WAPL: variants seen among roughly 807,000 people sequenced by gnomAD.
WAPL encodes the protein wings apart-like protein homolog.
In WAPL, 5 loss-of-function variants were observed where a neutral mutation model predicts 121.0. The ratio of observed to expected loss-of-function variants is 0.04; its 90% CI spans 0.02 to 0.09. WAPL has a LOEUF of 0.09. Among genes scored for constraint, WAPL ranks in the 10% least tolerant of loss-of-function variants. The pLI is 1.00. For missense variants in WAPL, 999 were observed against 1,410.8 expected, an observed-to-expected ratio of 0.71 and a Z score of 4.68; for synonymous variants, 480 against 481.5, an observed-to-expected ratio of 1.00 and a Z score of 0.04.
At chr10:86,503,651 G>A (rs1467424309) in intron 2 of WAPL, among the ~76,000 whole-genome samples, 1 of 151,974 alleles carries the variant, frequency 6.6e-6, no homozygotes, top group Admixed American at 6.6e-5. Context: ...TACCCGGGAG[G>A]CTGAGGCAGG....
At position 86,452,025 on chromosome 10, in the gene WAPL, T is replaced by C. The variant is rs1564564270; in HGVS notation, c.3056A>G (p.Glu1019Gly). The change falls in exon 15 of 19, where the codon GAA (glutamate) becomes GGA (glycine). Residue 1019 changes from glutamate (E) to glycine (G), a missense_variant. By Grantham distance (98) the Glu-to-Gly change is moderately conservative. This residue lies in a region of WAPL where 126 missense variants were observed against 144.0 expected (regional missense o/e 0.87). Coordinates refer to ENST00000298767, the MANE Select transcript of WAPL (RefSeq NM_015045.5). ...ACCTATCCTTAAACTATCATCCCCT[T>C]CTCCACTACAGATGGAAGAATCAAA... ...CSFDSSICSGEGDDSLRIGGQ... is the reference protein window; with the variant it reads ...CSFDSSICSGGGDDSLRIGGQ... 1.2e-6 allele frequency: 2 copies of C among 1,614,060 alleles called. No individual in the cohort carries two copies. Among genetic ancestry groups the C allele is most frequent in the East Asian group, 4.5e-5 (2 of 44,862 alleles).
Position 86,470,986 on chromosome 10 carries a change from A to G in WAPL, c.2142+6T>C. The G allele has an allele frequency of 6.2e-7, 1 of 1,612,194 alleles. No homozygotes were observed. The highest frequency in any genetic ancestry group is 1.1e-5 in the South Asian group (1 of 90,732). On this transcript the variant is annotated splice_donor_region_variant and intron_variant, in intron 8 of 18. Transcript: ENST00000298767. Reference sequence around the variant, plus strand: ...GGCTTCTCAATCTCAGAAACTTAAAAAATACCTGATGGTGCTGGGAATCAT... The same window carrying G: ...GGCTTCTCAATCTCAGAAACTTAAAGAATACCTGATGGTGCTGGGAATCAT...
At chr10:86,465,560 A>G (rs965008192) in intron 9 of WAPL, among the ~76,000 whole-genome samples, 1 of 152,190 alleles carries the variant, frequency 6.6e-6, no homozygotes, top group African/African-American at 2.4e-5. Flanking sequence ...CAGTTTACCC[A>G]TTGATCCTAG....
At chr10:86,518,485 C>T (rs534338611) in intron 1 of WAPL, among the ~76,000 whole-genome samples, 31 of 152,310 alleles carry the variant, frequency 2.0e-4, no homozygotes, top group African/African-American at 7.0e-4. Flanking sequence ...AGGCAGGCAG[C>T]TCACTTGAGG....
rs943180346 is a variant in WAPL, at chr10:86,499,593, C to T, written c.1525+125G>A. On this transcript the variant is annotated intron_variant, in intron 3 of 18. Coordinates refer to ENST00000298767, the MANE Select transcript of WAPL (RefSeq NM_015045.5). ...AATGTTATGTGAATGGGATCTTTAT[C>T]TTATTATACTGTACTCACCTCTTTT... 13 of 901,378 alleles carry T rather than the reference C, an allele frequency of 1.4e-5. No individual in the cohort carries two copies. The African/African-American group carries it at 2.2e-4, about 15-fold the overall frequency. 55.8% of individuals were successfully genotyped at this position (901,378 alleles called of 1,614,324 possible).
At chr10:86,474,109 A>G (rs1207270416) in intron 4 of WAPL, 136 bp from the exon 5 acceptor site, 1 of 671,056 alleles carries the variant, frequency 1.5e-6, no homozygotes, top group Non-Finnish European at 2.6e-6. Context: ...CAGTCCCACC[A>G]TAATTCCCAT....
intron 17 of WAPL, among the ~76,000 whole-genome samples, chr10:86,441,469 T>A (rs1849469291): frequency 6.6e-6 from 1 of 151,112 alleles, no homozygotes. Flanking sequence ...CTGGCCAAGA[T>A]GAGAAGTCTA....
intron 14 of WAPL, 49 bp downstream of exon 14, chr10:86,453,171 C>T (rs1841039996): frequency 1.3e-6 from 2 of 1,542,580 alleles, no homozygotes; most frequent in Non-Finnish European, 8.9e-7. Context: ...ACATTTTGCA[C>T]ACCTTATTAG....
intron 2 of WAPL, among the ~76,000 whole-genome samples, chr10:86,510,366 C>A (rs2132230191): frequency 6.6e-6 from 1 of 152,250 alleles, no homozygotes. Context: ...GCCACCGCAC[C>A]CGGCTGTCTG....
At chr10:86,496,486 A>G (rs1434451838) in intron 4 of WAPL, among the ~76,000 whole-genome samples, 1 of 152,188 alleles carries the variant, frequency 6.6e-6, no homozygotes, top group Non-Finnish European at 1.5e-5. Flanking sequence ...ATGTATCTGT[A>G]TGCCAACCTT....
intron 2 of WAPL, among the ~76,000 whole-genome samples, chr10:86,514,623 T>C (rs1294065115): frequency 6.6e-6 from 1 of 152,210 alleles, no homozygotes; most frequent in Non-Finnish European, 1.5e-5. Context: ...GCATTAGAAC[T>C]ACATTTTAGC....
intron 1 of WAPL, among the ~76,000 whole-genome samples, chr10:86,519,480 AT>A (rs1259289249): frequency 6.6e-6 from 1 of 151,998 alleles, no homozygotes; most frequent in Non-Finnish European, 1.5e-5. Flanking sequence ...TGAGTTTTAT[AT>A]AAATTCAGTA....
Position 86,446,281 on chromosome 10 carries a change from T to C in WAPL, c.3283A>G (p.Lys1095Glu), listed in dbSNP as rs1849616432. 1 of 1,614,156 alleles carries C rather than the reference T, an allele frequency of 6.2e-7. No homozygotes were observed. The highest frequency in any genetic ancestry group is 8.5e-7 in the Non-Finnish European group (1 of 1,180,010). The change falls in exon 16 of 19, where the codon AAG (lysine) becomes GAG (glutamate). Residue 1095 changes from lysine to glutamate, a missense_variant. Lys to Glu is a moderately conservative substitution (Grantham distance 56, BLOSUM62 1). This residue lies in a region of WAPL where 126 missense variants were observed against 144.0 expected (regional missense o/e 0.87). Coordinates refer to ENST00000298767, the MANE Select transcript of WAPL (RefSeq NM_015045.5). ...AGTTCTTCATCCTCCTCCTCCTTCTTATGTTTCTCTTCTGTACCATCAGTC... is the reference window on the plus strand; with the variant it reads ...AGTTCTTCATCCTCCTCCTCCTTCTCATGTTTCTCTTCTGTACCATCAGTC... ...EKTDGTEEKH[K>E]KEEEDEELDL... is the part of the protein sequence containing the mutation.
At chr10:86,454,525 G>C (rs2132175265) in intron 12 of WAPL, among the ~76,000 whole-genome samples, 1 of 152,350 alleles carries the variant, frequency 6.6e-6, no homozygotes, top group African/African-American at 2.4e-5. Flanking sequence ...CTGCAGGCGG[G>C]CGCCGCCACA....
At chr10:86,494,554 G>C (rs745484047) in intron 4 of WAPL, among the ~76,000 whole-genome samples, 6 of 152,198 alleles carry the variant, frequency 3.9e-5, no homozygotes, top group Non-Finnish European at 8.8e-5. Flanking sequence ...CTGTGAACTT[G>C]ATAGGTTCCC....
chr10:86,520,474 G>A (rs778645528), intron 1 of WAPL, among the ~76,000 whole-genome samples: 4 of 152,124 alleles, frequency 2.6e-5, no homozygotes, highest in African/African-American at 7.2e-5. Context: ...TGGGTACAGA[G>A]AAGTTCATTA....
At chr10:86,470,066 T>C in intron 8 of WAPL, among the ~76,000 whole-genome samples, 1 of 151,262 alleles carries the variant, frequency 6.6e-6, no homozygotes, top group Non-Finnish European at 1.5e-5. Context: ...AGAGTCTCGC[T>C]CTGTCTCCCA....
intron 14 of WAPL, 49 bp from the exon 15 acceptor site, chr10:86,452,180 C>T: frequency 6.6e-7 from 1 of 1,523,732 alleles, no homozygotes; most frequent in Non-Finnish European, 8.9e-7. Context: ...GTACTTAAAA[C>T]AAATGAACAC....
rs972150619 is a variant in WAPL at position 86,472,819 on chromosome 10, C to T, written c.1741-55G>A. On this transcript the variant is annotated intron_variant, in intron 5 of 18. Coordinates refer to ENST00000298767, the MANE Select transcript of WAPL (RefSeq NM_015045.5). This position sits in a 1 kb window ranked among gnomAD's most constrained non-coding sequence, Gnocchi z 4.2. ...CTAAATAAATATATAAAAATAGGAA[C>T]GTCTCATCTATCTGGCAAATTCAGC... 4.9e-5 allele frequency: 72 copies of T among 1,471,398 alleles called. No homozygotes were observed. The highest frequency in any genetic ancestry group is 5.6e-5 in the Non-Finnish European group (62 of 1,103,710). 91.1% of individuals were successfully genotyped at this position (1,471,398 alleles called of 1,614,324 possible). A position where few individuals can be genotyped will look rare whatever the true frequency, so the allele number is the denominator to read the frequency against.
Sources: gnomAD v4.1 joint callset for allele counts (sites outside exome capture counted in the v4.1 genomes callset) on GRCh38, gnomAD v4.1.1 for gene constraint, gnomAD v4.1.1 regional missense constraint, Gnocchi (gnomAD v3.1) non-coding constraint, MANE v1.5 for transcripts, NCBI Gene and HGNC (gene_info 2026-07-23, HGNC 2026-07-21) for gene names.